The following SVEP1 variants were observed in gnomAD, a reference collection of about 807,000 sequenced individuals.
The protein encoded by SVEP1 is sushi, von Willebrand factor type A, EGF and pentraxin domain-containing protein 1.
SVEP1 carries 164 observed loss-of-function variants against 367.3 expected under a neutral mutation model. The observed-to-expected ratio is 0.45, with a 90% CI of 0.39 to 0.51. The LOEUF (loss-of-function observed/expected upper bound fraction) is 0.51, where lower values mean the gene tolerates loss of function less well. SVEP1 is among the 20% of genes least tolerant of loss of function. The probability of loss-of-function intolerance (pLI) is 0.00; values close to 1 mark genes in which losing one functional copy is unlikely to be tolerated. For missense variants in SVEP1, 4,117 were observed against 4,425.3 expected (o/e 0.93, Z 1.98); for synonymous variants, 1,666 against 1,611.6 (o/e 1.03, Z -0.81).
chr9:110,402,629 A>G (rs78122651), intron 39 of SVEP1, among the ~76,000 whole-genome samples: 184 of 152,288 alleles, frequency 1.2e-3, no homozygotes, highest in African/African-American at 4.4e-3. Flanking sequence ...AGCCAGTATC[A>G]CAGAGTTCTC....
chr9:110,551,101 G>T (rs562277701), intron 1 of SVEP1, among the ~76,000 whole-genome samples: 11 of 152,152 alleles, frequency 7.2e-5, no homozygotes, highest in Non-Finnish European at 1.2e-4. Context: ...TATTCCGCAA[G>T]AATTCAAGAA....
At position 110,508,760 on chromosome 9, in the gene SVEP1, CAAAAAAAA is replaced by C. The variant is rs11316319; in HGVS notation, c.1303+4158_1303+4165del. Among the ~76,000 whole-genome samples, 12 of 76,478 alleles carry C rather than the reference CAAAAAAAA, an allele frequency of 1.6e-4. No individual in the cohort carries two copies. In the South Asian group the frequency reaches 5.0e-3, roughly 32 times the overall value. 50.2% of individuals were successfully genotyped at this position (76,478 alleles called of 152,430 possible). On this transcript the variant is annotated intron_variant, in intron 5 of 47. Coordinates refer to ENST00000374469, the MANE Select transcript of SVEP1 (RefSeq NM_153366.4). Reference sequence around the variant, plus strand: ...TAGGTAACAGAGCGAGACTCCATCTCAAAAAAAAAAAAAAAAAAAAAAAGAAAGAAAGA... The same window carrying C: ...TAGGTAACAGAGCGAGACTCCATCTCAAAAAAAAAAAAAAAGAAAGAAAGA...
rs530576650 is a variant in SVEP1, at chr9:110,564,381, A to G, written c.532-14277T>C. 4.6e-5 allele frequency among the ~76,000 whole-genome samples: 7 copies of G among 152,330 alleles called. No individual in the cohort carries two copies. In the South Asian group the frequency reaches 1.5e-3, roughly 32 times the overall value. The stretch of plus-strand genomic sequence containing the variant: ...AGAAAAAGTTTAGCAGGAATTTAGA[A>G]CACATGAAAGACATGGAAAATCTAA... On this transcript the variant is annotated intron_variant, in intron 1 of 47. Coordinates refer to ENST00000374469, the MANE Select transcript of SVEP1 (RefSeq NM_153366.4).
Position 110,446,141 on chromosome 9 carries a change from T to G in SVEP1, c.4262-103A>C, listed in dbSNP as rs138578055. 4,314 of 1,030,320 alleles carry G rather than the reference T, an allele frequency of 4.2e-3. 16 individuals carry two copies. Among genetic ancestry groups the G allele is most frequent in the Non-Finnish European group, 4.8e-3 (3,442 of 710,278 alleles). 63.8% of individuals were successfully genotyped at this position (1,030,320 alleles called of 1,614,324 possible). A position where few individuals can be genotyped will look rare whatever the true frequency, so the allele number is the denominator to read the frequency against. On this transcript the variant is annotated intron_variant, in intron 25 of 47. Transcript: ENST00000374469. ...TCAAAGAAGCTCATTTCAGTGAATA[T>G]GATTATCTAAGAAGCAGTTTCAAAA...
chr9:110,565,820 G>A (rs563622302), intron 1 of SVEP1, among the ~76,000 whole-genome samples: 81 of 143,112 alleles, frequency 5.7e-4, no homozygotes, highest in African/African-American at 2.1e-3. Context: ...CTTCACTGGT[G>A]AGTATGTATC....
At chr9:110,491,077 CTT>C (rs1180184357) in intron 8 of SVEP1, among the ~76,000 whole-genome samples, 2 of 151,794 alleles carry the variant, frequency 1.3e-5, no homozygotes, top group African/African-American at 2.4e-5. Context: ...GAGAGTATAA[CTT>C]TACATCTTAA....
chr9:110,461,575 G>T (rs769683495), intron 18 of SVEP1, among the ~76,000 whole-genome samples: 5 of 151,980 alleles, frequency 3.3e-5, no homozygotes, highest in African/African-American at 4.8e-5. Context: ...CCATGTCATA[G>T]CATCTTTTTT....
intron 40 of SVEP1, among the ~76,000 whole-genome samples, chr9:110,397,319 A>T (rs1044212892): frequency 6.6e-6 from 1 of 152,268 alleles, no homozygotes; most frequent in Non-Finnish European, 1.5e-5. Context: ...ACTCTGAATA[A>T]ATTAGGTATT....
At chr9:110,511,864 T>G (rs892465378) in intron 5 of SVEP1, among the ~76,000 whole-genome samples, 3 of 152,148 alleles carry the variant, frequency 2.0e-5, no homozygotes, top group African/African-American at 7.2e-5. Flanking sequence ...ACAGAACTAA[T>G]CTTTAACCAG....
chr9:110,451,235 T>C (rs1828688483), intron 23 of SVEP1, 54 bp downstream of exon 23: 1 of 1,385,204 alleles, frequency 7.2e-7, no homozygotes, highest in South Asian at 1.2e-5. Flanking sequence ...ATGTACTAAT[T>C]TGTGGTGGTT....
chr9:110,406,921 G>A lies in SVEP1; in HGVS notation c.8679C>T (p.Thr2893=). The change falls in exon 38 of 48, where the codon ACC becomes ACT. Residue 2893 remains threonine, a synonymous_variant. Transcript: ENST00000374469. ...TPDCVPVRCA[T]PPQLANGVTE... ...TCACCCCATTGGCCAGTTGTGGCGG[G>A]GTGGCACATCTGACAGGCACACAGT... The A allele has an allele frequency of 1.2e-6, 2 of 1,613,890 alleles. No homozygotes were observed. The highest frequency in any genetic ancestry group is 2.2e-5 in the South Asian group (2 of 91,086).
At chr9:110,568,121 T>A (rs1002453047) in intron 1 of SVEP1, among the ~76,000 whole-genome samples, 3 of 152,166 alleles carry the variant, frequency 2.0e-5, no homozygotes, top group African/African-American at 7.2e-5. Flanking sequence ...CACTCTCACA[T>A]CAATATTTAC....
At chr9:110,425,653 T>C (rs1425432323) in intron 36 of SVEP1, among the ~76,000 whole-genome samples, 3 of 152,246 alleles carry the variant, frequency 2.0e-5, no homozygotes, top group Non-Finnish European at 2.9e-5. Context: ...GTTTTCATAA[T>C]TGTCTTAATT....
At chr9:110,479,840 T>C (rs1050120897) in intron 12 of SVEP1, 84 bp from the exon 13 acceptor site, 278 of 1,523,252 alleles carry the variant, frequency 1.8e-4, no homozygotes, top group Non-Finnish European at 2.3e-4. Context: ...ATTGAAACAA[T>C]GTTTTAATTC....
At chr9:110,451,460 T>C (rs10817022) in intron 22 of SVEP1, 58 bp from the exon 23 acceptor site, 61,574 of 1,292,054 alleles carry the variant, frequency 0.048, 1,748 homozygotes, top group Middle Eastern at 0.069. Context: ...TTAAGACCAA[T>C]AGTTTCCAAG....
chr9:110,469,074 T>A lies in SVEP1; in HGVS notation c.3026A>T (p.Asn1009Ile). ...CVNCPLGTYY[N>I]LEHFTCESCR... The stretch of plus-strand genomic sequence containing the variant: ...GCTTTCACAGGTGAAATGTTCCAGA[T>A]TATAATAGGTTCCCAAAGGGCAATT... Residue 1009 changes from asparagine to isoleucine, a missense_variant, in exon 17 of 48, where the codon AAT (asparagine) becomes ATT (isoleucine). Physicochemically the swap from Asn to Ile is moderately radical, Grantham distance 149. Coordinates refer to ENST00000374469, the MANE Select transcript of SVEP1 (RefSeq NM_153366.4). 2.5e-6 allele frequency: 4 copies of A among 1,613,142 alleles called. No individual in the cohort carries two copies. Among genetic ancestry groups the A allele is most frequent in the Non-Finnish European group, 3.4e-6 (4 of 1,179,506 alleles).
At chr9:110,492,853 T>C (rs1339392443) in intron 8 of SVEP1, among the ~76,000 whole-genome samples, 4 of 152,044 alleles carry the variant, frequency 2.6e-5, no homozygotes, top group African/African-American at 9.7e-5. Context: ...TTCACCCCAA[T>C]GTGAGGAGTG....
rs200746733 is a variant in SVEP1, at chr9:110,411,696, G to A, written c.6015C>T (p.Ala2005=). The change falls in exon 37 of 48, where the codon GCC becomes GCT. Residue 2005 remains alanine, a synonymous_variant. Coordinates refer to ENST00000374469, the MANE Select transcript of SVEP1 (RefSeq NM_153366.4). ...GGTCACTTCTACTCCACTTGCCGTCGGCCAGGCATTCAATGGTGTCAAGAC... is the reference window on the plus strand; with the variant it reads ...GGTCACTTCTACTCCACTTGCCGTCAGCCAGGCATTCAATGGTGTCAAGAC... ...LAGLDTIECL[A]DGKWSRSDQQ... 48 of 1,594,220 alleles carry A rather than the reference G, an allele frequency of 3.0e-5. No homozygotes were observed. The East Asian group carries it at 4.8e-4, about 16-fold the overall frequency.
At chr9:110,466,715 C>T (rs1352225705) in intron 17 of SVEP1, among the ~76,000 whole-genome samples, 5 of 122,274 alleles carry the variant, frequency 4.1e-5, no homozygotes, top group African/African-American at 1.6e-4. Context: ...GAGCCGAGAT[C>T]CCGCCACTGC....
Sources: allele counts gnomAD v4.1 joint callset (sites outside exome capture counted in the v4.1 genomes callset), GRCh38; gene constraint gnomAD v4.1.1; transcripts MANE v1.5; gene names NCBI Gene and HGNC (gene_info 2026-07-23, HGNC 2026-07-21).